EXOC5: variants seen among roughly 807,000 people sequenced by gnomAD.
EXOC5 encodes the protein exocyst complex component 5.
A neutral mutation model predicts 90.8 loss-of-function variants in EXOC5; 17 were observed. That is an observed-to-expected ratio of 0.19 (90% CI 0.13 to 0.28). The LOEUF is 0.28. EXOC5 is among the 10% of genes least tolerant of loss of function. The pLI is 1.00. For synonymous variants in EXOC5, 260 were observed against 270.0 expected, an observed-to-expected ratio of 0.96 and a Z score of 0.36; for missense variants, 569 against 830.6, an observed-to-expected ratio of 0.69 and a Z score of 3.87.
chr14:57,202,423 T>G lies in EXOC5; in HGVS notation c.*6186A>C, dbSNP rs1413499801. The stretch of plus-strand genomic sequence containing the variant: ...ATTGTAGTTATACTGAAGCATTCTT[T>G]CTTCTTGGAAATACAAAAGTATTGG... On this transcript the variant is annotated 3_prime_UTR_variant, in exon 18 of 18. Coordinates refer to ENST00000621441, the MANE Select transcript of EXOC5 (RefSeq NM_006544.4). 1 of 152,230 alleles carries G rather than the reference T, an allele frequency of 6.6e-6. No individual in the cohort carries two copies. Among genetic ancestry groups the G allele is most frequent in the African/African-American group, 2.4e-5 (1 of 41,466 alleles). The allele number at this position is 152,230 out of a possible 1,614,324, so 9.4% of individuals were successfully genotyped here.
chr14:57,268,058 T>C (rs1884741635), intron 1 of EXOC5, among the ~76,000 whole-genome samples: 2 of 151,748 alleles, frequency 1.3e-5, no homozygotes, highest in South Asian at 4.2e-4. Flanking sequence ...AGTAGGCCTT[T>C]ATTGTCCAAA....
At chr14:57,209,909 G>T in intron 16 of EXOC5, 44 bp downstream of exon 16, 1 of 1,222,804 alleles carries the variant, frequency 8.2e-7, no homozygotes, top group East Asian at 2.4e-5. Context: ...ATACACCAAT[G>T]AAAATGTTAA....
At chr14:57,263,134 G>C (rs183149512) in intron 1 of EXOC5, among the ~76,000 whole-genome samples, 36 of 152,214 alleles carry the variant, frequency 2.4e-4, no homozygotes, top group Middle Eastern at 3.4e-3. Context: ...CCCAAAAAAA[G>C]TAAGGTCAGC....
chr14:57,239,572 T>C, intron 5 of EXOC5, 23 bp downstream of exon 5: 1 of 1,311,342 alleles, frequency 7.6e-7, no homozygotes, highest in Non-Finnish European at 1.1e-6. Flanking sequence ...ATATTCAAAT[T>C]AGCTCTTGAG....
intron 4 of EXOC5, among the ~76,000 whole-genome samples, chr14:57,242,175 C>T (rs1201014267): frequency 4.7e-5 from 7 of 149,954 alleles, no homozygotes; most frequent in Non-Finnish European, 8.9e-5. Context: ...ACAAAACCAA[C>T]ATATGTGTAA....
intron 1 of EXOC5, among the ~76,000 whole-genome samples, chr14:57,252,320 G>A (rs1166925159): frequency 2.0e-5 from 3 of 152,120 alleles, no homozygotes; most frequent in African/African-American, 7.2e-5. Flanking sequence ...GTATCAGCAA[G>A]CCAAATTCCA....
At chr14:57,247,840 TA>T (rs1367243147) in intron 1 of EXOC5, 128 bp from the exon 2 acceptor site, 4 of 459,296 alleles carry the variant, frequency 8.7e-6, no homozygotes, top group African/African-American at 6.1e-5. Context: ...AATACATCTA[TA>T]TTATTAAAAT....
chr14:57,215,160 A>G (rs1445299938), intron 15 of EXOC5, among the ~76,000 whole-genome samples: 4 of 151,840 alleles, frequency 2.6e-5, no homozygotes, highest in Non-Finnish European at 4.4e-5. Flanking sequence ...TGAACCAGGG[A>G]GGTGGAGGTT....
At chr14:57,268,563 C>G in intron 1 of EXOC5, 59 bp downstream of exon 1, 1 of 1,556,824 alleles carries the variant, frequency 6.4e-7, no homozygotes, top group Non-Finnish European at 8.7e-7. Flanking sequence ...CTCGGCCCGC[C>G]CACCCAGCTG....
intron 3 of EXOC5, among the ~76,000 whole-genome samples, chr14:57,244,778 C>G (rs1435622882): frequency 6.6e-6 from 1 of 152,170 alleles, no homozygotes; most frequent in Non-Finnish European, 1.5e-5. Context: ...AGGCAGATCA[C>G]TTGAGGTCAG....
chr14:57,213,660 A>G (rs115644954), intron 15 of EXOC5, among the ~76,000 whole-genome samples: 1,569 of 152,040 alleles, frequency 0.01, 28 homozygotes, highest in African/African-American at 0.036. Context: ...CCTGGCCACA[A>G]AAAAAATTTT....
chr14:57,262,438 C>T (rs1052545204), intron 1 of EXOC5, among the ~76,000 whole-genome samples: 1 of 151,848 alleles, frequency 6.6e-6, no homozygotes, highest in Non-Finnish European at 1.5e-5. Context: ...ACTGCTATGT[C>T]TAACTGTGAT....
intron 5 of EXOC5, among the ~76,000 whole-genome samples, chr14:57,238,219 T>C (rs1405633346): frequency 1.1e-3 from 82 of 73,884 alleles, no homozygotes; most frequent in African/African-American, 3.4e-3. Flanking sequence ...ACTCCACATA[T>C]ATATACACAC....
At chr14:57,259,839 T>A (rs1884449240) in intron 1 of EXOC5, among the ~76,000 whole-genome samples, 1 of 152,200 alleles carries the variant, frequency 6.6e-6, no homozygotes, top group African/African-American at 2.4e-5. Flanking sequence ...GTGTCATACA[T>A]TTCTCTTGCT....
intron 14 of EXOC5, among the ~76,000 whole-genome samples, chr14:57,218,325 G>T (rs1883030587): frequency 6.6e-6 from 1 of 151,992 alleles, no homozygotes; most frequent in South Asian, 2.1e-4. Flanking sequence ...TTGTTATTTT[G>T]ATCTCTGAGG....
intron 4 of EXOC5, among the ~76,000 whole-genome samples, chr14:57,241,909 G>A (rs199725171): frequency 6.6e-5 from 10 of 152,056 alleles, no homozygotes; most frequent in East Asian, 3.9e-4. Flanking sequence ...CGAGGTGGGC[G>A]GATCACAAGG....
At chr14:57,241,124 G>A (rs1883845364) in intron 4 of EXOC5, among the ~76,000 whole-genome samples, 1 of 152,146 alleles carries the variant, frequency 6.6e-6, no homozygotes, top group South Asian at 2.1e-4. Flanking sequence ...AAAGTGCTGG[G>A]ATTACAGGCT....
At chr14:57,266,411 G>A (rs1445197643) in intron 1 of EXOC5, among the ~76,000 whole-genome samples, 1 of 152,126 alleles carries the variant, frequency 6.6e-6, no homozygotes, top group Non-Finnish European at 1.5e-5. Context: ...AGAGTCCACT[G>A]TAGGGCTGGA....
chr14:57,257,283 G>T (rs907314434), intron 1 of EXOC5, among the ~76,000 whole-genome samples: 28 of 152,312 alleles, frequency 1.8e-4, no homozygotes, highest in African/African-American at 6.7e-4. Flanking sequence ...GATGGATGAG[G>T]GAGCAGTGAA....
Sources: gnomAD v4.1 joint callset for allele counts (sites outside exome capture counted in the v4.1 genomes callset) on GRCh38, gnomAD v4.1.1 for gene constraint, MANE v1.5 for transcripts, NCBI Gene and HGNC (gene_info 2026-07-23, HGNC 2026-07-21) for gene names.